The following GRIK4 variants were observed in gnomAD, a reference collection of about 807,000 sequenced individuals.
The protein encoded by GRIK4 is glutamate receptor ionotropic, kainate 4.
In GRIK4, 40 loss-of-function variants were observed where a neutral mutation model predicts 104.9. The observed-to-expected ratio is 0.38, with a 90% CI of 0.30 to 0.50. The LOEUF is 0.50. Ranked by LOEUF, GRIK4 falls within the 20% of genes least tolerant of loss-of-function variation. GRIK4 has a pLI of 0.93. For missense variants in GRIK4, 1,047 were observed against 1,308.1 expected (o/e 0.80, Z 3.08); for synonymous variants, 485 against 524.9 (o/e 0.92, Z 1.04).
rs1244989751 is a variant in GRIK4 at position 120,832,022 on chromosome 11, C to T, written c.682C>T (p.Leu228Phe). 2.5e-6 allele frequency: 4 copies of T among 1,608,736 alleles called. 1 individual carries two copies. The highest frequency in any genetic ancestry group is 1.8e-4 in the Middle Eastern group (1 of 5,498). The change falls in exon 7 of 21, where the codon CTC becomes TTC. Residue 228 changes from leucine to phenylalanine, a missense_variant. By Grantham distance (22) the Leu-to-Phe change is conservative (BLOSUM62 0). This residue lies in a region of GRIK4 where 447 missense variants were observed against 514.9 expected (regional missense o/e 0.87). Coordinates refer to ENST00000527524, the MANE Select transcript of GRIK4 (RefSeq NM_014619.5). ...HANASMSHTI[L>F]LKAAELGMVS... ...CAACGCCTCCATGTCCCACACCATCCTCCTGAAGGTGGGAGCCTCCCTCTC... is the reference window on the plus strand; with the variant it reads ...CAACGCCTCCATGTCCCACACCATCTTCCTGAAGGTGGGAGCCTCCCTCTC...
At chr11:120,699,593 T>A (rs1364074297) in intron 3 of GRIK4, among the ~76,000 whole-genome samples, 2 of 150,776 alleles carry the variant, frequency 1.3e-5, no homozygotes, top group African/African-American at 4.9e-5. Flanking sequence ...ACCCATATAG[T>A]CTGTGACTGA....
At chr11:120,538,360 C>T (rs908257574) in intron 1 of GRIK4, among the ~76,000 whole-genome samples, 2 of 152,140 alleles carry the variant, frequency 1.3e-5, no homozygotes, top group African/African-American at 2.4e-5. Context: ...AATGTCCAGG[C>T]GACCCCCAAC....
chr11:120,570,579 C>G (rs957943365), intron 1 of GRIK4, among the ~76,000 whole-genome samples: 1 of 152,102 alleles, frequency 6.6e-6, no homozygotes, highest in Admixed American at 6.6e-5. Context: ...ACCTCAGCCT[C>G]CCGAGTAGCT....
At chr11:120,904,111 C>T (rs56114062) in intron 12 of GRIK4, among the ~76,000 whole-genome samples, 2 of 152,190 alleles carry the variant, frequency 1.3e-5, no homozygotes, top group African/African-American at 4.8e-5. Context: ...TCTGCCCTTT[C>T]TCAACTCTTC....
chr11:120,926,024 A>G (rs1214342125), intron 13 of GRIK4, among the ~76,000 whole-genome samples: 1 of 152,130 alleles, frequency 6.6e-6, no homozygotes, highest in Non-Finnish European at 1.5e-5. Flanking sequence ...AGAAATGAGC[A>G]TATCTTCCTG....
chr11:120,680,174 C>T (rs982637399), intron 3 of GRIK4, among the ~76,000 whole-genome samples: 1 of 152,126 alleles, frequency 6.6e-6, no homozygotes, highest in African/African-American at 2.4e-5. Context: ...ACCTCCCAGG[C>T]TCAAGTGATT....
At chr11:120,704,536 G>A (rs997104811) in intron 3 of GRIK4, among the ~76,000 whole-genome samples, 2 of 152,136 alleles carry the variant, frequency 1.3e-5, no homozygotes, top group Non-Finnish European at 2.9e-5. Flanking sequence ...TTCTCAAGTG[G>A]CCATTTAAAT....
intron 3 of GRIK4, among the ~76,000 whole-genome samples, chr11:120,698,719 C>T (rs1160030539): frequency 1.3e-5 from 2 of 152,174 alleles, no homozygotes; most frequent in Non-Finnish European, 2.9e-5. Context: ...CCTGCTGCCT[C>T]CCTGCCCTGG....
intron 3 of GRIK4, among the ~76,000 whole-genome samples, chr11:120,792,040 G>C (rs1402381258): frequency 6.6e-6 from 1 of 152,180 alleles, no homozygotes; most frequent in Non-Finnish European, 1.5e-5. Context: ...GAAAGTTGAA[G>C]ACTAGATGAA....
At chr11:120,866,511 G>A (rs926975408) in intron 9 of GRIK4, among the ~76,000 whole-genome samples, 9 of 152,270 alleles carry the variant, frequency 5.9e-5, no homozygotes, top group African/African-American at 1.7e-4. Flanking sequence ...CCCTGACCTC[G>A]TTTGTCTCCT....
chr11:120,582,148 G>C (rs1948591939), intron 1 of GRIK4, among the ~76,000 whole-genome samples: 1 of 151,952 alleles, frequency 6.6e-6, no homozygotes, highest in Non-Finnish European at 1.5e-5. Flanking sequence ...TTGTAGGCAG[G>C]CTTGAGAAGA....
rs1236591461 is a variant in GRIK4, at chr11:120,902,949, G to A, written c.1273-2341G>A. Among the ~76,000 whole-genome samples the A allele has an allele frequency of 1.3e-5, 2 of 152,126 alleles. No homozygotes were observed. The highest frequency in any genetic ancestry group is 2.1e-4 in the South Asian group (1 of 4,830). On this transcript the variant is annotated intron_variant, in intron 12 of 20. Coordinates refer to ENST00000527524, the MANE Select transcript of GRIK4 (RefSeq NM_014619.5). The surrounding 1 kb of genome is among the most constrained non-coding windows in gnomAD (Gnocchi z 4.5). ...AGAATCACGTCACCTTCCACTCAGAGCTCCCGCTCCCTGACACATGACCTT... is the reference window on the plus strand; with the variant it reads ...AGAATCACGTCACCTTCCACTCAGAACTCCCGCTCCCTGACACATGACCTT...
At chr11:120,739,247 C>T (rs1951283988) in intron 3 of GRIK4, among the ~76,000 whole-genome samples, 1 of 152,214 alleles carries the variant, frequency 6.6e-6, no homozygotes, top group Admixed American at 6.5e-5. Context: ...ATAGTAGTGC[C>T]TGCTTGTAGA....
At chr11:120,673,086 C>T (rs1045440694) in intron 3 of GRIK4, among the ~76,000 whole-genome samples, 1 of 152,158 alleles carries the variant, frequency 6.6e-6, no homozygotes, top group South Asian at 2.1e-4. Context: ...CTCCTCTGCC[C>T]CTGACACTTT....
chr11:120,927,565 CAAAAAAAAA>C (rs56223442), intron 13 of GRIK4, among the ~76,000 whole-genome samples: 2 of 101,596 alleles, frequency 2.0e-5, no homozygotes, highest in Non-Finnish European at 3.7e-5. Context: ...GACTCTGTCT[CAAAAAAAAA>C]AAAAAAAAAA....
intron 3 of GRIK4, among the ~76,000 whole-genome samples, chr11:120,690,541 C>A (rs1236844221): frequency 6.6e-6 from 1 of 152,228 alleles, no homozygotes; most frequent in Non-Finnish European, 1.5e-5. Context: ...CATGGGCAGC[C>A]AGGCAGCTGG....
In GRIK4 at chr11:120,962,690, G is replaced by T; in HGVS notation, c.2266+9G>T. 1 of 1,584,906 alleles carries T rather than the reference G, an allele frequency of 6.3e-7. No homozygotes were observed. Among genetic ancestry groups the T allele is most frequent in the Non-Finnish European group, 8.7e-7 (1 of 1,153,612 alleles). ...GATTGGCATGCCAGTCGGTATGCGGGAGAGGAACAGCCTCTTTGGGTAGCT... is the reference window on the plus strand; with the variant it reads ...GATTGGCATGCCAGTCGGTATGCGGTAGAGGAACAGCCTCTTTGGGTAGCT... On this transcript the variant is annotated intron_variant, in intron 18 of 20. Coordinates refer to ENST00000527524, the MANE Select transcript of GRIK4 (RefSeq NM_014619.5).
rs949006292 is a variant in GRIK4, at chr11:120,549,612, G to A, written c.-159+37725G>A. Among the ~76,000 whole-genome samples, 6 of 152,226 alleles carry A rather than the reference G, an allele frequency of 3.9e-5. No individual in the cohort carries two copies. Among genetic ancestry groups the A allele is most frequent in the East Asian group, 3.9e-4 (2 of 5,188 alleles). ...CCCCCTCCCGGAGCCTGGCTAGGGCGTGTGCAACAGTAAAACGCTGCTCAG... is the reference window on the plus strand; with the variant it reads ...CCCCCTCCCGGAGCCTGGCTAGGGCATGTGCAACAGTAAAACGCTGCTCAG... On this transcript the variant is annotated intron_variant, in intron 1 of 20. Coordinates refer to ENST00000527524, the MANE Select transcript of GRIK4 (RefSeq NM_014619.5). The surrounding 1 kb of genome is among the most constrained non-coding windows in gnomAD (Gnocchi z 4.7).
At chr11:120,790,139 T>C (rs1952366547) in intron 3 of GRIK4, among the ~76,000 whole-genome samples, 1 of 152,144 alleles carries the variant, frequency 6.6e-6, no homozygotes, top group East Asian at 1.9e-4. Flanking sequence ...CCGTATCAGG[T>C]TGTGGCTATT....
Sources: allele counts gnomAD v4.1 joint callset (sites outside exome capture counted in the v4.1 genomes callset), GRCh38; gene constraint gnomAD v4.1.1; regional missense constraint gnomAD v4.1.1; non-coding constraint Gnocchi (gnomAD v3.1); transcripts MANE v1.5; gene names NCBI Gene and HGNC (gene_info 2026-07-23, HGNC 2026-07-21).